Variants in FER observed in about 807,000 individuals in gnomAD.
The protein encoded by FER is FER tyrosine kinase.
Under a neutral mutation model 111.0 loss-of-function variants are expected in FER, and 63 were observed. That is an observed-to-expected ratio of 0.57 (90% CI 0.46 to 0.70). The LOEUF is 0.70. FER is among the 30% of genes least tolerant of loss of function. FER has a pLI of 0.00. For synonymous variants in FER, 327 were observed against 313.9 expected, an observed-to-expected ratio of 1.04 and a Z score of -0.44; for missense variants, 914 against 954.0, an observed-to-expected ratio of 0.96 and a Z score of 0.55.
At chr5:109,185,196 C>A (rs1353843949) in intron 18 of FER, among the ~76,000 whole-genome samples, 1 of 152,066 alleles carries the variant, frequency 6.6e-6, no homozygotes, top group East Asian at 1.9e-4. Flanking sequence ...CTCTAGGAGA[C>A]TACCAAAAAA....
intron 9 of FER, among the ~76,000 whole-genome samples, chr5:108,886,342 G>A (rs1747152520): frequency 6.6e-6 from 1 of 150,736 alleles, no homozygotes; most frequent in Non-Finnish European, 1.5e-5. Flanking sequence ...TATATGGAAA[G>A]TAACATTTCT....
chr5:108,793,221 C>T (rs1053756720), intron 2 of FER, among the ~76,000 whole-genome samples: 51 of 152,140 alleles, frequency 3.4e-4, no homozygotes, highest in African/African-American at 1.0e-3. Context: ...TCCAGGAGCT[C>T]AAGATTGTCT....
chr5:109,017,879 T>A (rs1340010170), intron 13 of FER, among the ~76,000 whole-genome samples: 1 of 151,910 alleles, frequency 6.6e-6, no homozygotes, highest in Non-Finnish European at 1.5e-5. Flanking sequence ...GTCACTACCC[T>A]TTTCTTTCCC....
intron 17 of FER, among the ~76,000 whole-genome samples, chr5:109,153,449 C>T (rs1755058494): frequency 6.6e-6 from 1 of 151,540 alleles, no homozygotes; most frequent in South Asian, 2.1e-4. Context: ...CATTCTAAAA[C>T]TAGGGAAAAA....
At chr5:108,773,081 T>A (rs2149972989) in intron 2 of FER, among the ~76,000 whole-genome samples, 1 of 152,254 alleles carries the variant, frequency 6.6e-6, no homozygotes, top group South Asian at 2.1e-4. Context: ...GTTTCATAGA[T>A]TTGGTAGGTT....
At chr5:108,834,602 G>T (rs1760413060) in intron 4 of FER, among the ~76,000 whole-genome samples, 1 of 151,592 alleles carries the variant, frequency 6.6e-6, no homozygotes, top group Non-Finnish European at 1.5e-5. Context: ...GGAGGCTGAG[G>T]CATGAGAATT....
rs1437024609 is a variant in FER at position 108,880,622 on chromosome 5, A to G, written c.924-2774A>G. Among the ~76,000 whole-genome samples, 5 of 152,228 alleles carry G rather than the reference A, an allele frequency of 3.3e-5. No homozygotes were observed. The East Asian group carries it at 9.6e-4, about 29-fold the overall frequency. On this transcript the variant is annotated intron_variant, in intron 8 of 19. Coordinates refer to ENST00000281092, the MANE Select transcript of FER (RefSeq NM_005246.4). ...AATGTTTTCTTTATCTGATAGTCAG[A>G]ATATGAACTATTCCATGCAAGCCAA...
intron 13 of FER, among the ~76,000 whole-genome samples, chr5:108,964,289 A>T (rs1759519311): frequency 6.6e-6 from 1 of 152,126 alleles, no homozygotes; most frequent in Non-Finnish European, 1.5e-5. Flanking sequence ...AGAGAGGGCT[A>T]ATTTTTTAAA....
chr5:108,832,322 A>T (rs1017194920), intron 3 of FER, among the ~76,000 whole-genome samples: 1 of 152,220 alleles, frequency 6.6e-6, no homozygotes, highest in African/African-American at 2.4e-5. Flanking sequence ...ACAGTTTCAG[A>T]GTGAAGTTGA....
At chr5:108,867,667 GA>G in intron 5 of FER, 99 bp from the exon 6 acceptor site, 1 of 1,187,074 alleles carries the variant, frequency 8.4e-7, no homozygotes, top group Non-Finnish European at 1.2e-6. Flanking sequence ...AAAAATGCGT[GA>G]AATAACATAA....
chr5:108,882,371 T>C (rs1001374706), intron 8 of FER, among the ~76,000 whole-genome samples: 4 of 152,064 alleles, frequency 2.6e-5, no homozygotes, highest in African/African-American at 7.2e-5. Context: ...AATAACTTAT[T>C]ATATAGTCAG....
chr5:109,176,612 G>T (rs1263911665), intron 17 of FER, among the ~76,000 whole-genome samples: 1 of 152,146 alleles, frequency 6.6e-6, no homozygotes, highest in Non-Finnish European at 1.5e-5. Flanking sequence ...TCTCAAGAAG[G>T]CAGAAGGGAA....
chr5:109,060,377 A>ATGAACTTAC (rs1430755142), intron 16 of FER, among the ~76,000 whole-genome samples: 3 of 152,214 alleles, frequency 2.0e-5, no homozygotes, highest in African/African-American at 7.2e-5. Flanking sequence ...TTTAAGTTGT[A>ATGAACTTAC]TGAACTTACT....
At chr5:109,044,840 T>G (rs2149903392) in intron 15 of FER, 45 bp downstream of exon 15, 1 of 977,350 alleles carries the variant, frequency 1.0e-6, no homozygotes, top group Non-Finnish European at 1.5e-6. Flanking sequence ...TTATGTAAAT[T>G]ATTTATTAAA....
In FER at chr5:109,035,033, C is replaced by CTT. The variant is rs554716544; in HGVS notation, c.1657-2368_1657-2367dup. Among the ~76,000 whole-genome samples, 1,008 of 119,644 alleles carry CTT rather than the reference C, an allele frequency of 8.4e-3. 17 individuals carry two copies. The highest frequency in any genetic ancestry group is 0.029 in the African/African-American group (916 of 31,690). 78.5% of individuals were successfully genotyped at this position (119,644 alleles called of 152,430 possible). On this transcript the variant is annotated intron_variant, in intron 13 of 19. Transcript: ENST00000281092. ...TTCAATGAAACACCAAGAAATTGAACTTTTTTTTTTTTTTTTTTTTTTACT... is the reference window on the plus strand; with the variant it reads ...TTCAATGAAACACCAAGAAATTGAACTTTTTTTTTTTTTTTTTTTTTTTTACT...
intron 2 of FER, among the ~76,000 whole-genome samples, chr5:108,778,150 T>C (rs1753695492): frequency 6.6e-6 from 1 of 152,248 alleles, no homozygotes; most frequent in African/African-American, 2.4e-5. Context: ...TTTTTAGTGC[T>C]GAATAATATT....
intron 5 of FER, among the ~76,000 whole-genome samples, chr5:108,849,900 A>G (rs1469933078): frequency 6.6e-6 from 1 of 152,174 alleles, no homozygotes; most frequent in Non-Finnish European, 1.5e-5. Flanking sequence ...TTTAAAAATC[A>G]CATTATTAGG....
intron 17 of FER, among the ~76,000 whole-genome samples, chr5:109,155,548 A>C (rs1755274480): frequency 6.6e-6 from 1 of 151,952 alleles, no homozygotes; most frequent in Non-Finnish European, 1.5e-5. Flanking sequence ...AAAGTAAAAG[A>C]AAACCTGCAA....
At position 109,111,543 on chromosome 5, in the gene FER, T is replaced by C. The variant is rs1462144422; in HGVS notation, c.2048+11024T>C. Among the ~76,000 whole-genome samples the C allele has an allele frequency of 2.0e-5, 3 of 152,168 alleles. No homozygotes were observed. The East Asian group carries it at 5.8e-4, about 29-fold the overall frequency. On this transcript the variant is annotated intron_variant, in intron 17 of 19. Coordinates refer to ENST00000281092, the MANE Select transcript of FER (RefSeq NM_005246.4). The stretch of plus-strand genomic sequence containing the variant: ...GCATCAACCTTATAATAAAAAATTC[T>C]GCTTCATTAGTTCATTCTCACACTG...
Sources: gnomAD v4.1 joint callset for allele counts (sites outside exome capture counted in the v4.1 genomes callset) on GRCh38, gnomAD v4.1.1 for gene constraint, MANE v1.5 for transcripts, NCBI Gene and HGNC (gene_info 2026-07-23, HGNC 2026-07-21) for gene names.